VPS53: variants seen among roughly 807,000 people sequenced by gnomAD.
The protein encoded by VPS53 is vacuolar protein sorting-associated protein 53 homolog.
VPS53 carries 70 observed loss-of-function variants against 107.0 expected under a neutral mutation model. That is an observed-to-expected ratio of 0.65 (90% CI 0.54 to 0.80). The LOEUF (loss-of-function observed/expected upper bound fraction) is 0.80. Ranked by LOEUF, VPS53 falls within the 30% of genes least tolerant of loss-of-function variation. The probability of loss-of-function intolerance (pLI) is 0.00; values close to 1 mark genes in which losing one functional copy is unlikely to be tolerated. For synonymous variants in VPS53, 409 were observed against 393.3 expected (o/e 1.04, Z -0.47); for missense variants, 917 against 1,049.4 (o/e 0.87, Z 1.74).
chr17:632,731 G>T (rs1257930064), intron 7 of VPS53: 1 of 456,358 alleles, frequency 2.2e-6, no homozygotes, highest in Non-Finnish European at 4.4e-6. Flanking sequence ...CTTTGAAAAT[G>T]TTTAGCACCC....
intron 13 of VPS53, among the ~76,000 whole-genome samples, chr17:573,976 A>G (rs1218458011): frequency 1.3e-5 from 2 of 152,142 alleles, no homozygotes; most frequent in African/African-American, 4.8e-5. Flanking sequence ...CACTCAAAAT[A>G]GTGTGTGCAT....
intron 8 of VPS53, among the ~76,000 whole-genome samples, chr17:631,270 G>A (rs1211757953): frequency 2.6e-5 from 4 of 151,112 alleles, no homozygotes; most frequent in African/African-American, 9.8e-5. Flanking sequence ...TGAGAAAAAA[G>A]GAATTGACAG....
At chr17:542,272 G>A (rs1215551790) in intron 17 of VPS53, among the ~76,000 whole-genome samples, 1 of 152,224 alleles carries the variant, frequency 6.6e-6, no homozygotes, top group Non-Finnish European at 1.5e-5. Context: ...TGAGGACAGC[G>A]AGTGACCTGC....
At chr17:693,922 C>G (rs1038534347) in intron 4 of VPS53, among the ~76,000 whole-genome samples, 2 of 152,192 alleles carry the variant, frequency 1.3e-5, no homozygotes, top group Non-Finnish European at 2.9e-5. Context: ...CGTGGGGCCT[C>G]TTGACCTACA....
intron 11 of VPS53, among the ~76,000 whole-genome samples, chr17:617,844 G>A (rs1969223210): frequency 1.3e-5 from 1 of 79,732 alleles, no homozygotes; most frequent in Non-Finnish European, 2.5e-5. Flanking sequence ...TGGGACTACA[G>A]GCGTGCGCCA....
chr17:565,340 T>C (rs1913389642), intron 13 of VPS53, among the ~76,000 whole-genome samples: 1 of 143,346 alleles, frequency 7.0e-6, no homozygotes, highest in Non-Finnish European at 1.5e-5. Flanking sequence ...GAGGCGGAAG[T>C]TGCAGTGAGC....
intron 17 of VPS53, chr17:537,490 C>T (rs964572983): frequency 4.3e-5 from 10 of 233,482 alleles, no homozygotes; most frequent in South Asian, 3.4e-4. Flanking sequence ...GTTCTCCTGC[C>T]GAGTGCCCCA....
intron 4 of VPS53, among the ~76,000 whole-genome samples, chr17:694,799 G>A (rs1972892074): frequency 6.6e-6 from 1 of 152,142 alleles, no homozygotes; most frequent in Non-Finnish European, 1.5e-5. Flanking sequence ...ATGGGGTCTC[G>A]CTCTGTCATC....
intron 10 of VPS53, 70 bp downstream of exon 10, chr17:627,104 C>T: frequency 6.4e-7 from 1 of 1,555,396 alleles, no homozygotes; most frequent in Admixed American, 1.9e-5. Context: ...CAACATGGAA[C>T]CATTAGAGAC....
intron 7 of VPS53, among the ~76,000 whole-genome samples, chr17:633,064 C>A (rs1015135960): frequency 6.6e-5 from 10 of 152,114 alleles, no homozygotes; most frequent in African/African-American, 2.4e-4. Context: ...CAACAGTGGC[C>A]GTGAGTGTAC....
intron 7 of VPS53, among the ~76,000 whole-genome samples, chr17:633,287 C>G (rs978726492): frequency 6.6e-6 from 1 of 152,176 alleles, no homozygotes; most frequent in Non-Finnish European, 1.5e-5. Context: ...CACCGTGCAC[C>G]GGCCAGCCTT....
chr17:536,869 G>A (rs1486366621), intron 18 of VPS53, 159 bp downstream of exon 18: 24 of 832,920 alleles, frequency 2.9e-5, no homozygotes, highest in South Asian at 9.2e-5. Context: ...TGTGTGGGGA[G>A]GTGTCGGTAA....
chr17:549,767 A>G (rs1911654030), intron 17 of VPS53, among the ~76,000 whole-genome samples: 1 of 152,152 alleles, frequency 6.6e-6, no homozygotes, highest in African/African-American at 2.4e-5. Context: ...CTCTAAGCAG[A>G]TGGACTGGCC....
intron 10 of VPS53, among the ~76,000 whole-genome samples, chr17:626,052 A>T (rs1969695635): frequency 6.6e-6 from 1 of 152,226 alleles, no homozygotes. Context: ...AAAAATACAC[A>T]CACAAAAATT....
rs775216532 is a variant in VPS53, at chr17:553,371, G to T, written c.1787+9C>A. 2.5e-6 allele frequency: 4 copies of T among 1,613,502 alleles called. No homozygotes were observed. In the African/African-American group the frequency reaches 5.3e-5, roughly 22 times the overall value. On this transcript the variant is annotated intron_variant, in intron 16 of 21. Transcript: ENST00000437048. ...GCAGGCAGCCAGTAAGTGTGTGCAG[G>T]GTACATACGTGCTGAACGTGTCCAT...
Position 571,959 on chromosome 17 carries a change from C to T in VPS53, c.1314-9214G>A, listed in dbSNP as rs538648183. On this transcript the variant is annotated intron_variant, in intron 13 of 21. Coordinates refer to ENST00000437048, the MANE Select transcript of VPS53 (RefSeq NM_001128159.3). ...GCCCAGAGTGCAGCCTCTGCCCGGC[C>T]GCCACCCCGTCTAGGAAGTGAGGAG... Among the ~76,000 whole-genome samples the T allele has an allele frequency of 5.5e-3, 842 of 152,032 alleles. 7 individuals are homozygous for T. The highest frequency in any genetic ancestry group is 0.02 in the African/African-American group (809 of 41,464).
At chr17:691,405 G>A (rs1972770636) in intron 4 of VPS53, among the ~76,000 whole-genome samples, 1 of 152,204 alleles carries the variant, frequency 6.6e-6, no homozygotes, top group African/African-American at 2.4e-5. Flanking sequence ...CCAAGCTTCT[G>A]CAAGATAATG....
At chr17:692,295 G>A (rs986603387) in intron 4 of VPS53, among the ~76,000 whole-genome samples, 4 of 152,078 alleles carry the variant, frequency 2.6e-5, no homozygotes, top group Admixed American at 1.3e-4. Flanking sequence ...TGTACTTGTT[G>A]AATTGACTCA....
chr17:554,256 C>G (rs547877895), intron 15 of VPS53, among the ~76,000 whole-genome samples: 1 of 152,112 alleles, frequency 6.6e-6, no homozygotes, highest in Non-Finnish European at 1.5e-5. Context: ...CATCATCAGC[C>G]GACAGCCGGG....
Sources: gnomAD v4.1 joint callset for allele counts (sites outside exome capture counted in the v4.1 genomes callset) on GRCh38, gnomAD v4.1.1 for gene constraint, MANE v1.5 for transcripts, NCBI Gene and HGNC (gene_info 2026-07-23, HGNC 2026-07-21) for gene names.